The following ZBTB7C variants were observed in gnomAD, a reference collection of about 807,000 sequenced individuals.
ZBTB7C encodes zinc finger and BTB domain-containing protein 7C.
A neutral mutation model predicts 25.7 loss-of-function variants in ZBTB7C; 8 were observed. That is an observed-to-expected ratio of 0.31 (90% CI 0.18 to 0.56). ZBTB7C has a LOEUF of 0.56. ZBTB7C is among the 20% of genes least tolerant of loss of function. The probability of loss-of-function intolerance (pLI) is 0.91; values close to 1 mark genes in which losing one functional copy is unlikely to be tolerated. For synonymous variants in ZBTB7C, 394 were observed against 369.0 expected, an observed-to-expected ratio of 1.07 and a Z score of -0.78; for missense variants, 824 against 855.2, an observed-to-expected ratio of 0.96 and a Z score of 0.46.
At chr18:48,075,152 G>A (rs148019635) in intron 3 of ZBTB7C, among the ~76,000 whole-genome samples, 1 of 152,302 alleles carries the variant, frequency 6.6e-6, no homozygotes, top group East Asian at 1.9e-4. Context: ...CCCACCCACA[G>A]TGCTACAGGC....
At chr18:48,264,697 C>T (rs1486247299) in intron 2 of ZBTB7C, among the ~76,000 whole-genome samples, 1 of 152,158 alleles carries the variant, frequency 6.6e-6, no homozygotes, top group Non-Finnish European at 1.5e-5. Flanking sequence ...GGCCAGCTCC[C>T]ACCAAATGGT....
At chr18:48,117,907 C>T (rs762597756) in intron 3 of ZBTB7C, among the ~76,000 whole-genome samples, 8 of 151,320 alleles carry the variant, frequency 5.3e-5, no homozygotes, top group African/African-American at 9.7e-5. Context: ...TACAAAGCTT[C>T]GTGAAATTGA....
intron 3 of ZBTB7C, among the ~76,000 whole-genome samples, chr18:48,074,438 C>T (rs747311574): frequency 6.6e-5 from 10 of 152,242 alleles, no homozygotes; most frequent in Non-Finnish European, 1.2e-4. Flanking sequence ...TCTCCATGGC[C>T]CTCTGGCCTG....
intron 2 of ZBTB7C, among the ~76,000 whole-genome samples, chr18:48,309,473 A>T (rs572668997): frequency 6.6e-6 from 1 of 152,348 alleles, no homozygotes; most frequent in Admixed American, 6.5e-5. Context: ...AGTGTAAAAA[A>T]TGCTGAAGAG....
rs1016021400 is a variant in ZBTB7C, at chr18:48,027,513, C to T, written c.*1747G>A. On this transcript the variant is annotated 3_prime_UTR_variant, in exon 5 of 5. Transcript: ENST00000590800. The stretch of plus-strand genomic sequence containing the variant: ...AGACAGGAATCTGAGAGGCGGCTGC[C>T]CAGGCAGATGACTTCTGAGAACAGA... The T allele has an allele frequency of 2.0e-5, 3 of 152,150 alleles. No individual in the cohort carries two copies. The highest frequency in any genetic ancestry group is 7.2e-5 in the African/African-American group (3 of 41,424). 9.4% of individuals were successfully genotyped at this position (152,150 alleles called of 1,614,324 possible).
intron 2 of ZBTB7C, among the ~76,000 whole-genome samples, chr18:48,234,781 A>C (rs778311796): frequency 1.3e-4 from 20 of 152,172 alleles, no homozygotes; most frequent in Non-Finnish European, 2.6e-4. Context: ...TCAATTACTG[A>C]GAAAGGTGTA....
intron 2 of ZBTB7C, among the ~76,000 whole-genome samples, chr18:48,268,958 CTTTTTT>C (rs140699441): frequency 3.4e-5 from 4 of 118,992 alleles, no homozygotes; most frequent in Non-Finnish European, 5.1e-5. Context: ...TGCTCTGTTT[CTTTTTT>C]TTTTTTTTTT....
At chr18:48,310,430 TA>T (rs11429990) in intron 2 of ZBTB7C, among the ~76,000 whole-genome samples, 85 of 144,904 alleles carry the variant, frequency 5.9e-4, no homozygotes, top group Middle Eastern at 3.6e-3. Flanking sequence ...GATTCAGGTT[TA>T]AAAAAAAAAA....
At chr18:48,060,780 G>T (rs1410598720) in intron 3 of ZBTB7C, among the ~76,000 whole-genome samples, 2 of 152,158 alleles carry the variant, frequency 1.3e-5, no homozygotes, top group African/African-American at 4.8e-5. Context: ...TGGAAAATAG[G>T]TGCTATTGTG....
chr18:48,203,909 G>A (rs1034766447), intron 2 of ZBTB7C, among the ~76,000 whole-genome samples: 1 of 152,112 alleles, frequency 6.6e-6, no homozygotes, highest in African/African-American at 2.4e-5. Flanking sequence ...CTGAAGAGGG[G>A]GTGTCTCCTC....
In ZBTB7C at chr18:48,040,219, GCTC is replaced by G. The variant is rs1568166364; in HGVS notation, c.886_888del (p.Glu296del). Reference sequence around the variant, plus strand: ...AAGGGTGGCGGTGGGGGTGGGGGCAGCTCCTCCTTCTCCTCCTCCTTGATCTTC... The same window carrying G: ...AAGGGTGGCGGTGGGGGTGGGGGCAGCTCCTTCTCCTCCTCCTTGATCTTC... On this transcript the variant is annotated inframe_deletion, in exon 4 of 5. Coordinates refer to ENST00000590800, the MANE Select transcript of ZBTB7C (RefSeq NM_001318841.2). The G allele has an allele frequency of 6.4e-7, 1 of 1,571,966 alleles. No individual in the cohort carries two copies. The highest frequency in any genetic ancestry group is 2.2e-5 in the East Asian group (1 of 44,690).
At chr18:48,352,508 C>G (rs2046888548) in intron 1 of ZBTB7C, among the ~76,000 whole-genome samples, 1 of 152,192 alleles carries the variant, frequency 6.6e-6, no homozygotes, top group South Asian at 2.1e-4. Context: ...AGAGGAGGCA[C>G]AGTCTCACCC....
chr18:48,107,289 A>G (rs1271040514), intron 3 of ZBTB7C, among the ~76,000 whole-genome samples: 1 of 149,186 alleles, frequency 6.7e-6, no homozygotes, highest in Non-Finnish European at 1.5e-5. Context: ...GTAGAGGAAG[A>G]TTGAGGAGGA....
At chr18:48,138,008 ACC>A (rs1318429688) in intron 3 of ZBTB7C, among the ~76,000 whole-genome samples, 1 of 152,246 alleles carries the variant, frequency 6.6e-6, no homozygotes, top group African/African-American at 2.4e-5. Flanking sequence ...GGAGGAAATA[ACC>A]ATTTAATGCC....
chr18:48,145,646 A>G (rs1412133795), intron 3 of ZBTB7C, among the ~76,000 whole-genome samples: 1 of 152,236 alleles, frequency 6.6e-6, no homozygotes, highest in Non-Finnish European at 1.5e-5. Flanking sequence ...CAATGATGAT[A>G]TAGATATAGA....
chr18:48,034,642 G>A (rs1266709109), intron 4 of ZBTB7C, among the ~76,000 whole-genome samples: 1 of 152,170 alleles, frequency 6.6e-6, no homozygotes, highest in Non-Finnish European at 1.5e-5. Context: ...AGATAGAGAG[G>A]AGGCTCACTG....
intron 2 of ZBTB7C, chr18:48,252,035 T>C (rs1018320840): frequency 8.5e-5 from 13 of 152,270 alleles, no homozygotes; most frequent in African/African-American, 3.1e-4. Context: ...TTTTTACCCA[T>C]ATTTTTATCT....
At chr18:48,319,990 G>A (rs1051245573) in intron 2 of ZBTB7C, among the ~76,000 whole-genome samples, 3 of 152,106 alleles carry the variant, frequency 2.0e-5, no homozygotes, top group African/African-American at 7.2e-5. Flanking sequence ...CCCAGCCTCT[G>A]GGAGCTCACA....
chr18:48,169,317 A>G (rs2041383622), intron 3 of ZBTB7C, among the ~76,000 whole-genome samples: 1 of 152,082 alleles, frequency 6.6e-6, no homozygotes. Flanking sequence ...CATATTTCAG[A>G]GACAGCCTTA....
Sources: gnomAD v4.1 joint callset for allele counts (sites outside exome capture counted in the v4.1 genomes callset) on GRCh38, gnomAD v4.1.1 for gene constraint, MANE v1.5 for transcripts, NCBI Gene and HGNC (gene_info 2026-07-23, HGNC 2026-07-21) for gene names.